Variants in RBFOX1 observed in about 807,000 individuals in gnomAD.
The protein encoded by RBFOX1 is RNA binding protein fox-1 homolog 1.
A neutral mutation model predicts 57.7 loss-of-function variants in RBFOX1; 8 were observed. The observed-to-expected ratio is 0.14, with a 90% CI of 0.08 to 0.25. The LOEUF is 0.25. RBFOX1 is among the 10% of genes least tolerant of loss of function. The pLI, the probability that RBFOX1 is intolerant of heterozygous loss-of-function variation, is 1.00. For missense variants in RBFOX1, 611 were observed against 548.5 expected (o/e 1.11, Z -1.14); for synonymous variants, 326 against 222.4 (o/e 1.47, Z -4.15).
intron 1 of RBFOX1, among the ~76,000 whole-genome samples, chr16:6,271,259 A>T (rs755249071): frequency 5.3e-5 from 8 of 152,158 alleles, no homozygotes; most frequent in Admixed American, 2.0e-4. Context: ...CCCCATACCT[A>T]CTAAAAATAC....
intron 3 of RBFOX1, among the ~76,000 whole-genome samples, chr16:5,840,082 C>G (rs763844551): frequency 6.6e-6 from 1 of 152,186 alleles, no homozygotes; most frequent in Admixed American, 6.5e-5. Context: ...CATTTAGTAT[C>G]TAACTCATGA....
chr16:7,055,758 G>C (rs1475479752), intron 4 of RBFOX1, among the ~76,000 whole-genome samples: 3 of 152,166 alleles, frequency 2.0e-5, no homozygotes, highest in African/African-American at 7.2e-5. Flanking sequence ...ACTTAAACTG[G>C]AGGAAGCAGA....
intron 4 of RBFOX1, among the ~76,000 whole-genome samples, chr16:7,219,841 T>C (rs1254400951): frequency 6.6e-6 from 1 of 152,220 alleles, no homozygotes; most frequent in Non-Finnish European, 1.5e-5. Flanking sequence ...GATTTCCCAT[T>C]GTTTCTGAGA....
At chr16:6,040,591 T>A (rs531927030) in intron 1 of RBFOX1, among the ~76,000 whole-genome samples, 2 of 148,742 alleles carry the variant, frequency 1.3e-5, no homozygotes, top group South Asian at 2.1e-4. Context: ...TCTCTTTCTT[T>A]CTTATTTATT....
intron 1 of RBFOX1, among the ~76,000 whole-genome samples, chr16:6,243,832 C>T (rs1170376462): frequency 2.6e-5 from 4 of 152,106 alleles, no homozygotes; most frequent in Non-Finnish European, 5.9e-5. Flanking sequence ...GGAGATCCTG[C>T]CTGAGATGAA....
At chr16:6,672,148 C>T (rs187483311) in intron 3 of RBFOX1, among the ~76,000 whole-genome samples, 2 of 152,254 alleles carry the variant, frequency 1.3e-5, no homozygotes, top group East Asian at 3.9e-4. Context: ...GTAACATTAG[C>T]TAGAAATAGA....
chr16:5,523,817 G>A (rs1333398144), intron 2 of RBFOX1, among the ~76,000 whole-genome samples: 1 of 152,138 alleles, frequency 6.6e-6, no homozygotes, highest in Non-Finnish European at 1.5e-5. Flanking sequence ...TTTGGAAGTA[G>A]GAAGAGAACA....
At chr16:7,199,429 A>G (rs12709185) in intron 4 of RBFOX1, among the ~76,000 whole-genome samples, 64,049 of 152,044 alleles carry the variant, frequency 0.42, 13,919 homozygotes, top group Non-Finnish European at 0.47. Context: ...GCACTTCAAA[A>G]TGTCTTTGGA....
At chr16:6,913,020 C>T (rs555454419) in intron 3 of RBFOX1, among the ~76,000 whole-genome samples, 2 of 151,970 alleles carry the variant, frequency 1.3e-5, no homozygotes, top group Admixed American at 6.6e-5. Flanking sequence ...CCTATTTCTG[C>T]TGGGTGAGGA....
intron 3 of RBFOX1, among the ~76,000 whole-genome samples, chr16:6,857,359 A>G (rs1487211194): frequency 1.3e-5 from 2 of 152,196 alleles, no homozygotes; most frequent in East Asian, 3.9e-4. Context: ...CTAAGTGCTC[A>G]CGTTATTCTT....
At chr16:7,430,675 A>AAAT (rs1555898785) in intron 4 of RBFOX1, among the ~76,000 whole-genome samples, 1 of 151,118 alleles carries the variant, frequency 6.6e-6, no homozygotes, top group South Asian at 2.1e-4. Flanking sequence ...AAAAAAAAAA[A>AAAT]GTACCCACCC....
At chr16:6,412,559 CT>C (rs1188256935) in intron 2 of RBFOX1, among the ~76,000 whole-genome samples, 1 of 152,170 alleles carries the variant, frequency 6.6e-6, no homozygotes, top group East Asian at 1.9e-4. Context: ...TCTTTGAAAC[CT>C]TTTTGTTTTC....
intron 2 of RBFOX1, among the ~76,000 whole-genome samples, chr16:6,607,784 C>T (rs1048553688): frequency 6.6e-6 from 1 of 152,166 alleles, no homozygotes; most frequent in African/African-American, 2.4e-5. Context: ...CAACATAGCT[C>T]CCGAATAATG....
intron 3 of RBFOX1, among the ~76,000 whole-genome samples, chr16:6,771,159 G>C (rs958542040): frequency 6.6e-6 from 1 of 152,154 alleles, no homozygotes; most frequent in Non-Finnish European, 1.5e-5. Context: ...AGAGGGGGAA[G>C]ATGGTCGTCT....
chr16:7,628,268 C>T (rs898643330), intron 10 of RBFOX1, among the ~76,000 whole-genome samples: 1 of 152,108 alleles, frequency 6.6e-6, no homozygotes, highest in Non-Finnish European at 1.5e-5. Flanking sequence ...GGAGCATTCC[C>T]TAAATCCACT....
chr16:6,845,252 G>C (rs557453105), intron 3 of RBFOX1, among the ~76,000 whole-genome samples: 1 of 151,690 alleles, frequency 6.6e-6, no homozygotes, highest in Admixed American at 6.6e-5. Context: ...ATCCTTGCCC[G>C]TACCTGTGTC....
At chr16:6,060,288 C>T (rs1189926402) in intron 1 of RBFOX1, among the ~76,000 whole-genome samples, 1 of 151,930 alleles carries the variant, frequency 6.6e-6, no homozygotes, top group Non-Finnish European at 1.5e-5. Context: ...GGATTTGCAC[C>T]ATTTGTTCAT....
At position 6,839,891 on chromosome 16, in the gene RBFOX1, C is replaced by G. The variant is rs927955075; in HGVS notation, c.-16+185241C>G. On this transcript the variant is annotated intron_variant, in intron 3 of 15. Coordinates refer to ENST00000550418, the MANE Select transcript of RBFOX1 (RefSeq NM_018723.4). ...ATCTTTTCCCCTCCCATCCCATTCT[C>G]TCGATTTCTTAACTTTCAATTGCAT... Among the ~76,000 whole-genome samples the G allele has an allele frequency of 3.3e-5, 5 of 152,306 alleles. No individual in the cohort carries two copies. The South Asian group carries it at 6.2e-4, about 19-fold the overall frequency.
intron 11 of RBFOX1, among the ~76,000 whole-genome samples, chr16:7,633,459 ATTATATT>A (rs2061300594): frequency 6.6e-6 from 1 of 152,178 alleles, no homozygotes; most frequent in Admixed American, 6.5e-5. Flanking sequence ...GTTTCATTAT[ATTATATT>A]TTAATCTATT....
Sources: allele counts gnomAD v4.1 joint callset (sites outside exome capture counted in the v4.1 genomes callset), GRCh38; gene constraint gnomAD v4.1.1; transcripts MANE v1.5; gene names NCBI Gene and HGNC (gene_info 2026-07-23, HGNC 2026-07-21).